Variants in CDH12 observed in about 807,000 individuals in gnomAD.
CDH12 encodes the protein cadherin-12.
Under a neutral mutation model 74.1 loss-of-function variants are expected in CDH12, and 41 were observed. That is an observed-to-expected ratio of 0.55 (90% confidence interval 0.43 to 0.72). The LOEUF (loss-of-function observed/expected upper bound fraction) is 0.72, where lower values mean the gene tolerates loss of function less well. Among genes scored for constraint, CDH12 ranks in the 30% least tolerant of loss-of-function variants. The pLI is 0.00. For missense variants in CDH12, 945 were observed against 977.2 expected (o/e 0.97, Z 0.44); for synonymous variants, 399 against 355.0 (o/e 1.12, Z -1.39).
chr5:22,743,273 T>TATATATAC (rs1553997534), intron 1 of CDH12, among the ~76,000 whole-genome samples: 198 of 144,800 alleles, frequency 1.4e-3, no homozygotes, highest in Middle Eastern at 7.2e-3. Flanking sequence ...TATATATATA[T>TATATATAC]ATATATATGT....
intron 2 of CDH12, among the ~76,000 whole-genome samples, chr5:22,447,800 C>A: frequency 6.6e-6 from 1 of 151,550 alleles, no homozygotes; most frequent in Non-Finnish European, 1.5e-5. Flanking sequence ...ATCTGGAAAA[C>A]AAGTTTAGTG....
At chr5:22,756,028 G>C in intron 1 of CDH12, among the ~76,000 whole-genome samples, 1 of 130,294 alleles carries the variant, frequency 7.7e-6, no homozygotes, top group East Asian at 2.4e-4. Context: ...AATCTCCCCT[G>C]AAAAATTCCT....
chr5:22,370,436 CGTGA>C (rs1318118021), intron 3 of CDH12, among the ~76,000 whole-genome samples: 1 of 152,092 alleles, frequency 6.6e-6, no homozygotes, highest in South Asian at 2.1e-4. Flanking sequence ...TAAATAAATT[CGTGA>C]GTAATTTTTT....
chr5:22,617,873 T>G (rs1737767329), intron 1 of CDH12, among the ~76,000 whole-genome samples: 1 of 152,122 alleles, frequency 6.6e-6, no homozygotes, highest in African/African-American at 2.4e-5. Flanking sequence ...CCACAGGAAA[T>G]CCATCTTATT....
intron 1 of CDH12, among the ~76,000 whole-genome samples, chr5:22,675,886 T>TATATATATATAC (rs1364470668): frequency 0.021 from 3,085 of 145,254 alleles, 87 homozygotes; most frequent in Middle Eastern, 0.047. Context: ...TATATATATA[T>TATATATATATAC]ACTTTTGTTT....
chr5:22,841,392 A>G (rs1737075269), intron 1 of CDH12, among the ~76,000 whole-genome samples: 1 of 152,164 alleles, frequency 6.6e-6, no homozygotes, highest in South Asian at 2.1e-4. Context: ...AGCATAGAAT[A>G]TGTTTGTGAG....
intron 6 of CDH12, among the ~76,000 whole-genome samples, chr5:21,916,393 A>G (rs1307045687): frequency 6.6e-6 from 1 of 152,216 alleles, no homozygotes; most frequent in African/African-American, 2.4e-5. Context: ...GGGTCTTCAA[A>G]TAAGCTCCAG....
intron 5 of CDH12, among the ~76,000 whole-genome samples, chr5:22,065,372 C>T (rs150636727): frequency 9.2e-5 from 14 of 152,164 alleles, no homozygotes; most frequent in South Asian, 2.1e-4. Context: ...GTTAGATTGG[C>T]GGAATTTATT....
intron 5 of CDH12, among the ~76,000 whole-genome samples, chr5:22,011,559 G>A (rs895474138): frequency 3.9e-5 from 6 of 152,094 alleles, no homozygotes; most frequent in South Asian, 2.1e-4. Context: ...TGGATAGACA[G>A]AACACTTAGA....
chr5:21,860,792 C>A (rs548044006), intron 6 of CDH12, among the ~76,000 whole-genome samples: 1 of 152,170 alleles, frequency 6.6e-6, no homozygotes, highest in South Asian at 2.1e-4. Flanking sequence ...CCTTCAGTTA[C>A]AGACTGAAGG....
intron 1 of CDH12, among the ~76,000 whole-genome samples, chr5:22,587,845 G>GAT (rs1397231212): frequency 6.8e-6 from 1 of 147,424 alleles, no homozygotes; most frequent in East Asian, 2.1e-4. Flanking sequence ...TTTTTTGGTG[G>GAT]AGATATATAT....
chr5:22,048,352 T>C (rs1740111135), intron 5 of CDH12, among the ~76,000 whole-genome samples: 1 of 152,166 alleles, frequency 6.6e-6, no homozygotes, highest in African/African-American at 2.4e-5. Context: ...TGTAACAGTG[T>C]AGTACATCCA....
intron 3 of CDH12, among the ~76,000 whole-genome samples, chr5:22,296,595 G>A (rs1561291821): frequency 6.6e-6 from 1 of 152,070 alleles, no homozygotes; most frequent in Non-Finnish European, 1.5e-5. Flanking sequence ...TACTAAATAG[G>A]AAATATTTCT....
intron 5 of CDH12, among the ~76,000 whole-genome samples, chr5:21,982,172 T>C (rs1276674081): frequency 6.6e-6 from 1 of 152,164 alleles, no homozygotes; most frequent in Non-Finnish European, 1.5e-5. Flanking sequence ...TCAATAGCTG[T>C]GGGAATGAAT....
chr5:21,989,867 C>T (rs1757675642), intron 5 of CDH12, among the ~76,000 whole-genome samples: 1 of 152,114 alleles, frequency 6.6e-6, no homozygotes, highest in Non-Finnish European at 1.5e-5. Flanking sequence ...ACTACTAATT[C>T]TATCAGTGGC....
At chr5:21,922,621 C>T (rs1408961395) in intron 6 of CDH12, among the ~76,000 whole-genome samples, 1 of 152,028 alleles carries the variant, frequency 6.6e-6, no homozygotes, top group Non-Finnish European at 1.5e-5. Context: ...ATCTACAAGG[C>T]TCATACAGAC....
At chr5:22,673,707 C>T (rs1038444509) in intron 1 of CDH12, among the ~76,000 whole-genome samples, 2 of 152,058 alleles carry the variant, frequency 1.3e-5, no homozygotes, top group African/African-American at 4.8e-5. Flanking sequence ...AATATGAACT[C>T]AGTCTTCAGA....
chr5:22,080,232 G>A (rs1742631213), intron 4 of CDH12, among the ~76,000 whole-genome samples: 1 of 152,134 alleles, frequency 6.6e-6, no homozygotes, highest in African/African-American at 2.4e-5. Context: ...GTCAGCTGCA[G>A]TTCAGAACAA....
chr5:22,203,558 G>A (rs1347123197), intron 4 of CDH12, among the ~76,000 whole-genome samples: 1 of 152,202 alleles, frequency 6.6e-6, no homozygotes, highest in Non-Finnish European at 1.5e-5. Flanking sequence ...ATAAATATGG[G>A]AGTGCAGACA....
Sources: allele counts gnomAD v4.1 joint callset (sites outside exome capture counted in the v4.1 genomes callset), GRCh38; gene constraint gnomAD v4.1.1; transcripts MANE v1.5; gene names NCBI Gene and HGNC (gene_info 2026-07-23, HGNC 2026-07-21).